Variants in KCNIP4 observed in about 807,000 individuals in gnomAD.
The protein encoded by KCNIP4 is potassium voltage-gated channel interacting protein 4, also known as Kv channel-interacting protein 4.
In KCNIP4, 12 loss-of-function variants were observed where a neutral mutation model predicts 34.0. That is an observed-to-expected ratio of 0.35 (90% CI 0.23 to 0.57). The LOEUF is 0.57. KCNIP4 is among the 20% of genes least tolerant of loss of function. The probability of loss-of-function intolerance (pLI) is 0.83; values close to 1 mark genes in which losing one functional copy is unlikely to be tolerated. For synonymous variants in KCNIP4, 124 were observed against 102.2 expected, an observed-to-expected ratio of 1.21 and a Z score of -1.29; for missense variants, 238 against 311.7, an observed-to-expected ratio of 0.76 and a Z score of 1.78.
intron 2 of KCNIP4, among the ~76,000 whole-genome samples, chr4:20,880,749 A>G (rs1310141053): frequency 6.6e-6 from 1 of 152,204 alleles, no homozygotes; most frequent in Non-Finnish European, 1.5e-5. Context: ...GAGAAAAGCA[A>G]TGACTCTAAT....
At chr4:20,836,816 T>G (rs1719085957) in intron 3 of KCNIP4, among the ~76,000 whole-genome samples, 1 of 152,046 alleles carries the variant, frequency 6.6e-6, no homozygotes. Context: ...AAACTTATCA[T>G]CATACTTTCC....
chr4:21,454,221 A>G (rs542520368), intron 1 of KCNIP4, among the ~76,000 whole-genome samples: 4 of 152,224 alleles, frequency 2.6e-5, no homozygotes, highest in African/African-American at 9.6e-5. Context: ...CAATCTCCCA[A>G]CAGTGCCAAC....
At chr4:21,499,702 T>C (rs762164950) in intron 1 of KCNIP4, among the ~76,000 whole-genome samples, 9 of 152,136 alleles carry the variant, frequency 5.9e-5, no homozygotes, top group African/African-American at 1.7e-4. Flanking sequence ...TATAAGCATA[T>C]GAACACTATG....
intron 1 of KCNIP4, among the ~76,000 whole-genome samples, chr4:21,840,989 T>C (rs1723643493): frequency 6.6e-6 from 1 of 152,226 alleles, no homozygotes; most frequent in South Asian, 2.1e-4. Context: ...CAGAGCTCCA[T>C]CTGCTTTGAA....
intron 1 of KCNIP4, among the ~76,000 whole-genome samples, chr4:20,945,486 A>G (rs892053823): frequency 1.3e-5 from 2 of 152,214 alleles, no homozygotes; most frequent in African/African-American, 2.4e-5. Flanking sequence ...ATACAATGTC[A>G]TAATATATAT....
At chr4:21,129,724 C>A (rs1750915074) in intron 1 of KCNIP4, among the ~76,000 whole-genome samples, 1 of 152,010 alleles carries the variant, frequency 6.6e-6, no homozygotes, top group Admixed American at 6.6e-5. Flanking sequence ...ATTTTTCTCA[C>A]TTTATAATAT....
intron 1 of KCNIP4, among the ~76,000 whole-genome samples, chr4:21,342,563 ATTTAC>A (rs1365998077): frequency 1.3e-5 from 2 of 151,962 alleles, no homozygotes; most frequent in African/African-American, 2.4e-5. Flanking sequence ...CCTCTTTCCA[ATTTAC>A]TTTAGTTTAT....
At chr4:21,067,546 C>T (rs184492882) in intron 1 of KCNIP4, among the ~76,000 whole-genome samples, 4 of 152,266 alleles carry the variant, frequency 2.6e-5, no homozygotes, top group South Asian at 4.1e-4. Context: ...GGAACTCATC[C>T]TCTTAGAAAG....
intron 1 of KCNIP4, among the ~76,000 whole-genome samples, chr4:21,394,684 A>C (rs1177629327): frequency 6.6e-6 from 1 of 152,040 alleles, no homozygotes; most frequent in Non-Finnish European, 1.5e-5. Flanking sequence ...AGACAGTCCT[A>C]CTCTCACTGA....
chr4:21,367,981 A>G (rs1414118338), intron 1 of KCNIP4, among the ~76,000 whole-genome samples: 1 of 147,160 alleles, frequency 6.8e-6, no homozygotes, highest in Non-Finnish European at 1.5e-5. Context: ...AATAAAGCGT[A>G]CCCATGTTTA....
At chr4:21,617,730 A>G (rs935001005) in intron 1 of KCNIP4, among the ~76,000 whole-genome samples, 1 of 152,120 alleles carries the variant, frequency 6.6e-6, no homozygotes, top group Non-Finnish European at 1.5e-5. Context: ...TCCACCCTCT[A>G]TTGTCTAAAT....
intron 1 of KCNIP4, among the ~76,000 whole-genome samples, chr4:21,760,208 TC>T: frequency 6.6e-6 from 1 of 152,164 alleles, no homozygotes; most frequent in African/African-American, 2.4e-5. Context: ...ACATTTAACT[TC>T]CAGAGCCTAA....
intron 1 of KCNIP4, among the ~76,000 whole-genome samples, chr4:21,181,751 C>T (rs1754858287): frequency 6.6e-6 from 1 of 152,098 alleles, no homozygotes; most frequent in Non-Finnish European, 1.5e-5. Flanking sequence ...GACTTCACTG[C>T]ATTCATTACA....
At position 21,152,189 on chromosome 4, in the gene KCNIP4, GTT is replaced by G. The variant is rs1482622084; in HGVS notation, c.62-269482_62-269481del. 2.0e-5 allele frequency among the ~76,000 whole-genome samples: 3 copies of G among 152,198 alleles called. No individual in the cohort carries two copies. The East Asian group carries it at 5.8e-4, about 30-fold the overall frequency. ...AATTGCTTGAACCTGGGAGGCAGAG[GTT>G]GCAGTGAGCCCAGATAGCACCACTG... On this transcript the variant is annotated intron_variant, in intron 1 of 8. Transcript: ENST00000382152.
chr4:21,602,835 T>A (rs1465181317), intron 1 of KCNIP4, among the ~76,000 whole-genome samples: 2 of 152,146 alleles, frequency 1.3e-5, no homozygotes, highest in Non-Finnish European at 2.9e-5. Context: ...GGAGGTACTT[T>A]AAATCTCTTC....
intron 2 of KCNIP4, 179 bp from the exon 3 acceptor site, chr4:20,850,846 A>G: frequency 3.8e-6 from 2 of 531,698 alleles, no homozygotes; most frequent in Admixed American, 3.7e-5. Flanking sequence ...TTAAGCTAAA[A>G]CACTTGTATA....
chr4:21,772,541 A>C (rs1405909458), intron 1 of KCNIP4, among the ~76,000 whole-genome samples: 1 of 152,100 alleles, frequency 6.6e-6, no homozygotes, highest in Non-Finnish European at 1.5e-5. Flanking sequence ...TCAGCTGTGA[A>C]TCCATCTGGT....
chr4:21,504,992 G>A (rs898882624), intron 1 of KCNIP4, among the ~76,000 whole-genome samples: 53 of 152,006 alleles, frequency 3.5e-4, no homozygotes, highest in African/African-American at 1.2e-3. Flanking sequence ...TAATAAAAAG[G>A]CATCTAAAAT....
At chr4:21,785,875 C>T (rs949151230) in intron 1 of KCNIP4, among the ~76,000 whole-genome samples, 1 of 152,048 alleles carries the variant, frequency 6.6e-6, no homozygotes, top group African/African-American at 2.4e-5. Flanking sequence ...TGAATTGTTC[C>T]CACTTTTTGA....
Sources: allele counts gnomAD v4.1 joint callset (sites outside exome capture counted in the v4.1 genomes callset), GRCh38; gene constraint gnomAD v4.1.1; transcripts MANE v1.5; gene names NCBI Gene and HGNC (gene_info 2026-07-23, HGNC 2026-07-21).